Variants in TBX20 observed in about 807,000 individuals in gnomAD.
The protein encoded by TBX20 is T-box transcription factor TBX20.
In TBX20, 8 loss-of-function variants were observed where a neutral mutation model predicts 42.9. The ratio of observed to expected loss-of-function variants is 0.19; its 90% CI spans 0.11 to 0.34. The LOEUF is 0.34. TBX20 is among the 10% of genes least tolerant of loss of function. The pLI, the probability that TBX20 is intolerant of heterozygous loss-of-function variation, is 1.00. For missense variants in TBX20, 411 were observed against 566.0 expected (o/e 0.73, Z 2.78); for synonymous variants, 198 against 222.8 (o/e 0.89, Z 0.99).
At chr7:35,205,124 A>T (rs146150866) in intron 6 of TBX20, among the ~76,000 whole-genome samples, 1 of 152,190 alleles carries the variant, frequency 6.6e-6, no homozygotes, top group African/African-American at 2.4e-5. Flanking sequence ...TACAATATAG[A>T]TAGTTTGGGT....
In TBX20 at chr7:35,249,830, C is replaced by T; in HGVS notation, c.380+121G>A. On this transcript the variant is annotated intron_variant, in intron 2 of 7. Coordinates refer to ENST00000408931, the MANE Select transcript of TBX20 (RefSeq NM_001077653.2). The surrounding 1 kb of genome is among the most constrained non-coding windows in gnomAD (Gnocchi z 4.3). ...CTGGTGGAAAGCAGCTGCCCTGGAG[C>T]CAAGCTGTCTCTCCGCTCCATGACC... 1.7e-6 allele frequency: 2 copies of T among 1,156,110 alleles called. No homozygotes were observed. Among genetic ancestry groups the T allele is most frequent in the Non-Finnish European group, 2.4e-6 (2 of 820,874 alleles). The allele number at this position is 1,156,110 out of a possible 1,614,324, so 71.6% of individuals were successfully genotyped here. A position where few individuals can be genotyped will look rare whatever the true frequency, so the allele number is the denominator to read the frequency against.
chr7:35,211,429 T>G (rs578185147), intron 6 of TBX20, among the ~76,000 whole-genome samples: 1 of 152,178 alleles, frequency 6.6e-6, no homozygotes, highest in East Asian at 1.9e-4. Context: ...GGTGGTGAAT[T>G]CTTCGCCTTT....
chr7:35,236,854 A>G (rs1235820625), intron 5 of TBX20, among the ~76,000 whole-genome samples: 1 of 152,212 alleles, frequency 6.6e-6, no homozygotes, highest in Non-Finnish European at 1.5e-5. Context: ...TAATCATATT[A>G]ATACTATACT....
intron 6 of TBX20, among the ~76,000 whole-genome samples, chr7:35,210,331 G>C (rs550389241): frequency 7.0e-4 from 106 of 151,950 alleles, no homozygotes; most frequent in South Asian, 2.1e-3. Flanking sequence ...TAGCCAGGAT[G>C]GTCTCGATCT....
rs1400955551 is a variant in TBX20 at position 35,202,461 on chromosome 7, T to C, written c.1313A>G (p.His438Arg). The C allele has an allele frequency of 2.5e-6, 4 of 1,597,718 alleles. No homozygotes were observed. Among genetic ancestry groups the C allele is most frequent in the Admixed American group, 1.7e-5 (1 of 57,618 alleles). Residue 438 changes from histidine (H) to arginine (R), a missense_variant, in exon 8 of 8, where the codon CAT (histidine) becomes CGT (arginine). His to Arg is a conservative substitution (Grantham distance 29). Around this residue, in one of 5 missense-constraint regions of TBX20, gnomAD observed 162 missense variants for 205.4 expected, o/e 0.79. Transcript: ENST00000408931. The stretch of plus-strand genomic sequence containing the variant: ...AAATGGCGTCATCACAGCAGAGGAA[T>C]GGCGTAGTCCTTGAATGGCAGCATA... ...GPYAAIQGLR[H>R]SSAVMTPFV
At position 35,240,898 on chromosome 7, in the gene TBX20, G is replaced by A; in HGVS notation, c.794C>T (p.Thr265Ile). 2 of 1,613,890 alleles carry A rather than the reference G, an allele frequency of 1.2e-6. No homozygotes were observed. The highest frequency in any genetic ancestry group is 1.1e-5 in the South Asian group (1 of 91,068). The change falls in exon 5 of 8, where the codon ACT (threonine) becomes ATT (isoleucine). Residue 265 changes from threonine (T) to isoleucine (I), a missense_variant. By Grantham distance (89) the Thr-to-Ile change is moderately conservative. This residue lies in a region of TBX20 where 121 missense variants were observed against 165.9 expected (regional missense o/e 0.73). Coordinates refer to ENST00000408931, the MANE Select transcript of TBX20 (RefSeq NM_001077653.2). ...ACTCACCAGTTGATTCTGGTAGGCA[G>A]TGACTGCCGTAAAAACTGTTTCTGG... ...IFPETVFTAV[T>I]AYQNQLITKL... is the part of the protein sequence containing the mutation.
intron 1 of TBX20, among the ~76,000 whole-genome samples, chr7:35,251,300 G>A (rs576215304): frequency 1.3e-5 from 2 of 152,244 alleles, no homozygotes; most frequent in East Asian, 1.9e-4. Flanking sequence ...GATGTGTGTG[G>A]GCATATGGGA....
At chr7:35,206,405 A>G (rs1789401428) in intron 6 of TBX20, among the ~76,000 whole-genome samples, 1 of 152,090 alleles carries the variant, frequency 6.6e-6, no homozygotes, top group Non-Finnish European at 1.5e-5. Flanking sequence ...AAAATCAGCC[A>G]GGCATGGTGG....
chr7:35,226,936 T>C (rs1364850043), intron 6 of TBX20, among the ~76,000 whole-genome samples: 1 of 152,096 alleles, frequency 6.6e-6, no homozygotes, highest in African/African-American at 2.4e-5. Context: ...GGCATTATCA[T>C]TACAGGAGAT....
At chr7:35,212,426 C>T (rs1338953368) in intron 6 of TBX20, among the ~76,000 whole-genome samples, 2 of 152,184 alleles carry the variant, frequency 1.3e-5, no homozygotes, top group African/African-American at 4.8e-5. Flanking sequence ...TCATGTTTTT[C>T]TGCATCTTTG....
At chr7:35,236,575 C>T (rs185302349) in intron 5 of TBX20, among the ~76,000 whole-genome samples, 2,975 of 152,180 alleles carry the variant, frequency 0.02, 45 homozygotes, top group Non-Finnish European at 0.028. Context: ...TTATTCACTG[C>T]ACATATGTTT....
Position 35,241,053 on chromosome 7 carries a change from G to A in TBX20, c.655-16C>T, listed in dbSNP as rs753034185. On this transcript the variant is annotated splice_polypyrimidine_tract_variant and intron_variant, in intron 4 of 7. Transcript: ENST00000408931. ...TCAAAATTATCTACAACAAAAAGATGGGAAGTACTGAATTTTACATACTTA... is the reference window on the plus strand; with the variant it reads ...TCAAAATTATCTACAACAAAAAGATAGGAAGTACTGAATTTTACATACTTA... 4.3e-6 allele frequency: 7 copies of A among 1,612,960 alleles called. No individual in the cohort carries two copies. The highest frequency in any genetic ancestry group is 5.9e-6 in the Non-Finnish European group (7 of 1,179,030).
intron 5 of TBX20, among the ~76,000 whole-genome samples, chr7:35,235,291 GA>G (rs61628631): frequency 0.2 from 22,242 of 113,470 alleles, 1,771 homozygotes; most frequent in Middle Eastern, 0.34. Flanking sequence ...TGGGATAACT[GA>G]AAAAAAAAAA....
chr7:35,227,713 C>G (rs1234395718), intron 6 of TBX20, among the ~76,000 whole-genome samples: 1 of 152,216 alleles, frequency 6.6e-6, no homozygotes, highest in Non-Finnish European at 1.5e-5. Context: ...TTAAGTGACT[C>G]ATGACTATAC....
chr7:35,247,367 T>G (rs1017186066), intron 3 of TBX20, among the ~76,000 whole-genome samples: 2 of 150,876 alleles, frequency 1.3e-5, no homozygotes, highest in African/African-American at 4.9e-5. Flanking sequence ...CTTGCTCAAC[T>G]AAAAAAAAAC....
chr7:35,239,876 C>T (rs565709480), intron 5 of TBX20, among the ~76,000 whole-genome samples: 124 of 152,038 alleles, frequency 8.2e-4, no homozygotes, highest in Non-Finnish European at 1.4e-3. Context: ...CTCAGCCTCC[C>T]GAGTAGCTGG....
At chr7:35,225,965 T>C (rs1016120040) in intron 6 of TBX20, among the ~76,000 whole-genome samples, 6 of 152,144 alleles carry the variant, frequency 3.9e-5, no homozygotes, top group African/African-American at 1.4e-4. Context: ...TAAGAACTAG[T>C]ATGCATAAGA....
chr7:35,250,226 A>T, intron 1 of TBX20, 23 bp from the exon 2 acceptor site: 1 of 1,613,742 alleles, frequency 6.2e-7, no homozygotes, highest in Non-Finnish European at 8.5e-7. Flanking sequence ...AGAATTGTGA[A>T]TGACAGCTGA....
chr7:35,233,860 T>G (rs563973230), intron 5 of TBX20, among the ~76,000 whole-genome samples: 3 of 152,244 alleles, frequency 2.0e-5, no homozygotes, highest in Non-Finnish European at 4.4e-5. Flanking sequence ...ACCATGCACA[T>G]GCACTGCGCT....
Sources: gnomAD v4.1 joint callset for allele counts (sites outside exome capture counted in the v4.1 genomes callset) on GRCh38, gnomAD v4.1.1 for gene constraint, gnomAD v4.1.1 regional missense constraint, Gnocchi (gnomAD v3.1) non-coding constraint, MANE v1.5 for transcripts, NCBI Gene and HGNC (gene_info 2026-07-23, HGNC 2026-07-21) for gene names.